The following LMO3 variants were observed in gnomAD, a reference collection of about 807,000 sequenced individuals.
The protein encoded by LMO3 is LIM domain only 3, also known as LIM domain only protein 3.
Under a neutral mutation model 15.8 loss-of-function variants are expected in LMO3, and 2 were observed. The observed-to-expected ratio is 0.13, with a 90% CI of 0.05 to 0.40. The LOEUF (loss-of-function observed/expected upper bound fraction) is 0.40. Among genes scored for constraint, LMO3 ranks in the 10% least tolerant of loss-of-function variants. The pLI is 0.99. For missense variants in LMO3, 86 were observed against 182.2 expected (o/e 0.47, Z 3.04); for synonymous variants, 62 against 63.8 (o/e 0.97, Z 0.13).
rs1012968480 is a variant in LMO3 at position 16,596,778 on chromosome 12, AAAC to A, written c.206+3874_206+3876del. Among the ~76,000 whole-genome samples the A allele has an allele frequency of 6.6e-6, 1 of 151,730 alleles. No individual in the cohort carries two copies. On this transcript the variant is annotated intron_variant, in intron 2 of 3. Coordinates refer to ENST00000537304, the MANE Select transcript of LMO3 (RefSeq NM_018640.5). The surrounding 1 kb of genome is among the most constrained non-coding windows in gnomAD (Gnocchi z 4.3). ...GATAGATCGCAGTGATGAGTACCTTAAACATTATCACTACAACTTTGCTATTTT... is the reference window on the plus strand; with the variant it reads ...GATAGATCGCAGTGATGAGTACCTTAATTATCACTACAACTTTGCTATTTT...
rs550757000 is a variant in LMO3 at position 16,556,902 on chromosome 12, T to C, written c.332+3511A>G. Among the ~76,000 whole-genome samples the C allele has an allele frequency of 2.6e-5, 4 of 152,310 alleles. No homozygotes were observed. The East Asian group carries it at 7.7e-4, about 29-fold the overall frequency. ...GCACTAAAGATATGCAGTCCCATTATGGCATGTAATAAATGAAGCGAACAC... is the reference window on the plus strand; with the variant it reads ...GCACTAAAGATATGCAGTCCCATTACGGCATGTAATAAATGAAGCGAACAC... On this transcript the variant is annotated intron_variant, in intron 3 of 3. Transcript: ENST00000537304.
At chr12:16,588,476 A>T (rs1943391717) in intron 2 of LMO3, among the ~76,000 whole-genome samples, 1 of 152,112 alleles carries the variant, frequency 6.6e-6, no homozygotes, top group Non-Finnish European at 1.5e-5. Flanking sequence ...ATAATGCTTT[A>T]CAAGGCCATA....
chr12:16,572,584 T>C (rs1591795228), intron 2 of LMO3, among the ~76,000 whole-genome samples: 1 of 149,772 alleles, frequency 6.7e-6, no homozygotes, highest in East Asian at 1.9e-4. Context: ...CCTTCATAAA[T>C]AGAGTATGTG....
rs185988467 is a variant in LMO3 at position 16,559,925 on chromosome 12, G to A, written c.332+488C>T. Reference sequence around the variant, plus strand: ...GCATGAGCCATGTTAGTGCCACTGCGCTCTAGGCTGGGTGACAGAACCAGA... The same window carrying A: ...GCATGAGCCATGTTAGTGCCACTGCACTCTAGGCTGGGTGACAGAACCAGA... On this transcript the variant is annotated intron_variant, in intron 3 of 3. Coordinates refer to ENST00000537304, the MANE Select transcript of LMO3 (RefSeq NM_018640.5). This position sits in a 1 kb window ranked among gnomAD's most constrained non-coding sequence, Gnocchi z 4.1. Among the ~76,000 whole-genome samples the A allele has an allele frequency of 6.1e-4, 93 of 152,136 alleles. No individual in the cohort carries two copies. Among genetic ancestry groups the A allele is most frequent in the African/African-American group, 1.7e-3 (69 of 41,496 alleles).
At position 16,591,723 on chromosome 12, in the gene LMO3, A is replaced by G. The variant is rs1023980567; in HGVS notation, c.206+8932T>C. Among the ~76,000 whole-genome samples the G allele has an allele frequency of 8.5e-5, 13 of 152,086 alleles. No homozygotes were observed. The highest frequency in any genetic ancestry group is 2.9e-4 in the African/African-American group (12 of 41,448). ...ACTGATATCTGTGATAAGAGATGGA[A>G]CAATACAAATAGCATGAAAGTTACA... is the stretch of plus-strand genomic sequence containing the variant. On this transcript the variant is annotated intron_variant, in intron 2 of 3. Transcript: ENST00000537304. The surrounding 1 kb of genome is among the most constrained non-coding windows in gnomAD (Gnocchi z 4.1).
chr12:16,605,945 A>C, intron 1 of LMO3, 121 bp downstream of exon 1: 2 of 894,102 alleles, frequency 2.2e-6, no homozygotes, highest in Non-Finnish European at 3.5e-6. Context: ...GCTCCAGTTT[A>C]TGCCTCATTA....
chr12:16,568,081 A>T (rs1942680047), intron 2 of LMO3, among the ~76,000 whole-genome samples: 1 of 152,210 alleles, frequency 6.6e-6, no homozygotes, highest in Non-Finnish European at 1.5e-5. Context: ...ATAGAAAATA[A>T]AAAGGAATAC....
In LMO3 at chr12:16,582,817, T is replaced by C. The variant is rs1344342142; in HGVS notation, c.206+17838A>G. ...AATCCCAGCACTTTGGGAGGCCAAA[T>C]TGAGTGGATCACCTGAGGTCAGGAG... is the stretch of plus-strand genomic sequence containing the variant. On this transcript the variant is annotated intron_variant, in intron 2 of 3. Transcript: ENST00000537304. This position sits in a 1 kb window ranked among gnomAD's most constrained non-coding sequence, Gnocchi z 4.1. Among the ~76,000 whole-genome samples, 2 of 152,034 alleles carry C rather than the reference T, an allele frequency of 1.3e-5. No individual in the cohort carries two copies. The highest frequency in any genetic ancestry group is 3.9e-4 in the East Asian group (2 of 5,148).
chr12:16,562,039 C>T (rs1942426322), intron 2 of LMO3, among the ~76,000 whole-genome samples: 1 of 152,072 alleles, frequency 6.6e-6, no homozygotes, highest in South Asian at 2.1e-4. Context: ...CCTTCATGTT[C>T]TCCTTTTGTA....
chr12:16,609,488 G>A (rs749199606), upstream of LMO3, among the ~76,000 whole-genome samples: 101 of 152,248 alleles, frequency 6.6e-4, no homozygotes, highest in Non-Finnish European at 1.2e-3. Flanking sequence ...GCTATAAAGA[G>A]CCAGATCTTT....
intron 2 of LMO3, among the ~76,000 whole-genome samples, chr12:16,563,936 T>C (rs1942494797): frequency 6.6e-6 from 1 of 152,208 alleles, no homozygotes; most frequent in Non-Finnish European, 1.5e-5. Context: ...GGGCTAGATT[T>C]TTCCCTATCA....
rs556103066 is a variant in LMO3 at position 16,587,670 on chromosome 12, T to G, written c.206+12985A>C. Among the ~76,000 whole-genome samples, 10 of 152,246 alleles carry G rather than the reference T, an allele frequency of 6.6e-5. No individual in the cohort carries two copies. Among genetic ancestry groups the G allele is most frequent in the African/African-American group, 9.6e-5 (4 of 41,542 alleles). On this transcript the variant is annotated intron_variant, in intron 2 of 3. Transcript: ENST00000537304. The surrounding 1 kb of genome is among the most constrained non-coding windows in gnomAD (Gnocchi z 4.3). The stretch of plus-strand genomic sequence containing the variant: ...CAAGCACTGGTCTGTCAGGAGTGCA[T>G]TTTAACAGCACGACACAAGTATTTT...
rs1201835862 is a variant in LMO3 at position 16,548,502 on chromosome 12, CTG to C, written c.*2718_*2719del. The C allele has an allele frequency of 1.3e-5, 2 of 152,256 alleles. No individual in the cohort carries two copies. The highest frequency in any genetic ancestry group is 3.4e-3 in the Middle Eastern group (1 of 294). The allele number at this position is 152,256 out of a possible 1,614,324, so 9.4% of individuals were successfully genotyped here. ...CAGGTCAACTTTTAAACTCAGCACT[CTG>C]TTGGAGTGGAGGTGCACGGTCCTTC... On this transcript the variant is annotated 3_prime_UTR_variant, in exon 4 of 4. Transcript: ENST00000537304. This position sits in a 1 kb window ranked among gnomAD's most constrained non-coding sequence, Gnocchi z 4.2.
chr12:16,604,890 G>C lies in LMO3; in HGVS notation c.-9+1176C>G, dbSNP rs751558011. On this transcript the variant is annotated intron_variant, in intron 1 of 3. Coordinates refer to ENST00000537304, the MANE Select transcript of LMO3 (RefSeq NM_018640.5). This position sits in a 1 kb window ranked among gnomAD's most constrained non-coding sequence, Gnocchi z 5.3. ...CAAAACTTTTCTCCTTTTTCTGCAT[G>C]AGTTGACTTAGGCGTGTCTGAGTTG... The C allele has an allele frequency of 1.3e-6, 2 of 1,598,444 alleles. No homozygotes were observed. The highest frequency in any genetic ancestry group is 2.2e-5 in the South Asian group (2 of 91,078).
rs543661102 is a variant in LMO3, at chr12:16,559,867, C to T, written c.332+546G>A. On this transcript the variant is annotated intron_variant, in intron 3 of 3. Coordinates refer to ENST00000537304, the MANE Select transcript of LMO3 (RefSeq NM_018640.5). The surrounding 1 kb of genome is among the most constrained non-coding windows in gnomAD (Gnocchi z 4.1). The stretch of plus-strand genomic sequence containing the variant: ...CTCCCAGCTACTCGGGAGGCTGAGG[C>T]AGGAGGATTGCTTGAGCACAGAAGT... Among the ~76,000 whole-genome samples, 54 of 151,538 alleles carry T rather than the reference C, an allele frequency of 3.6e-4. No individual in the cohort carries two copies. Among genetic ancestry groups the T allele is most frequent in the African/African-American group, 1.3e-3 (53 of 41,324 alleles).
At chr12:16,575,895 A>G (rs1374514344) in intron 2 of LMO3, among the ~76,000 whole-genome samples, 1 of 151,232 alleles carries the variant, frequency 6.6e-6, no homozygotes, top group African/African-American at 2.4e-5. Flanking sequence ...AGACTACATT[A>G]CCCTCCCTCT....
chr12:16,603,233 T>C lies in LMO3; in HGVS notation c.-8-2365A>G, dbSNP rs1381991562. ...GAAACTCTTACATTCTGTTTGGCCT[T>C]GGGCATAAAAGGAGTTTGATATTTC... On this transcript the variant is annotated intron_variant, in intron 1 of 3. Transcript: ENST00000537304. The surrounding 1 kb of genome is among the most constrained non-coding windows in gnomAD (Gnocchi z 4.9). Among the ~76,000 whole-genome samples the C allele has an allele frequency of 6.6e-6, 1 of 152,234 alleles. No individual in the cohort carries two copies.
chr12:16,566,276 A>G (rs1375533834), intron 2 of LMO3, among the ~76,000 whole-genome samples: 2 of 151,488 alleles, frequency 1.3e-5, no homozygotes, highest in Admixed American at 1.3e-4. Flanking sequence ...AAGGGGAGAG[A>G]TTGGTCAATG....
Position 16,586,653 on chromosome 12 carries a change from T to A in LMO3, c.206+14002A>T, listed in dbSNP as rs11057004. Reference sequence around the variant, plus strand: ...CAAAGCCTGTCCTAGGATGTGGCAATAAGGCTATACCGTCGGGGTAGAGAT... The same window carrying A: ...CAAAGCCTGTCCTAGGATGTGGCAAAAAGGCTATACCGTCGGGGTAGAGAT... On this transcript the variant is annotated intron_variant, in intron 2 of 3. Transcript: ENST00000537304. The surrounding 1 kb of genome is among the most constrained non-coding windows in gnomAD (Gnocchi z 4.3). Among the ~76,000 whole-genome samples, 31,750 of 152,142 alleles carry A rather than the reference T, an allele frequency of 0.21. 3,716 individuals are homozygous for A. The highest frequency in any genetic ancestry group is 0.27 in the Middle Eastern group (78 of 294).
Sources: gnomAD v4.1 joint callset for allele counts (sites outside exome capture counted in the v4.1 genomes callset) on GRCh38, gnomAD v4.1.1 for gene constraint, Gnocchi (gnomAD v3.1) non-coding constraint, MANE v1.5 for transcripts, NCBI Gene and HGNC (gene_info 2026-07-23, HGNC 2026-07-21) for gene names.